The following DNM3 variants were observed in gnomAD, a reference collection of about 807,000 sequenced individuals.
The protein encoded by DNM3 is dynamin 3, also known as dynamin-3.
A neutral mutation model predicts 101.6 loss-of-function variants in DNM3; 47 were observed. The ratio of observed to expected loss-of-function variants is 0.46; its 90% confidence interval spans 0.37 to 0.59. The LOEUF is 0.59. Ranked by LOEUF, DNM3 falls within the 20% of genes least tolerant of loss-of-function variation. The pLI is 0.00. For missense variants in DNM3, 849 were observed against 1,085.7 expected, an observed-to-expected ratio of 0.78 and a Z score of 3.06; for synonymous variants, 385 against 387.9, an observed-to-expected ratio of 0.99 and a Z score of 0.09.
chr1:172,032,885 T>C (rs2048715315), intron 5 of DNM3, among the ~76,000 whole-genome samples: 1 of 152,066 alleles, frequency 6.6e-6, no homozygotes, highest in Admixed American at 6.6e-5. Flanking sequence ...AGTTTGAGGG[T>C]GAGAGGCATT....
chr1:172,260,388 C>T (rs1319229437), intron 15 of DNM3, among the ~76,000 whole-genome samples: 1 of 151,868 alleles, frequency 6.6e-6, no homozygotes, highest in Non-Finnish European at 1.5e-5. Context: ...AAGTTTTTAA[C>T]CTATTATTTT....
At chr1:172,160,017 C>T (rs1038934400) in intron 14 of DNM3, among the ~76,000 whole-genome samples, 1 of 148,744 alleles carries the variant, frequency 6.7e-6, no homozygotes, top group East Asian at 2.0e-4. Context: ...TGTATCTAAA[C>T]GTGCCTAACA....
At chr1:172,138,043 T>C (rs1428037908) in intron 14 of DNM3, 2 of 152,180 alleles carry the variant, frequency 1.3e-5, no homozygotes, top group Non-Finnish European at 2.9e-5. Flanking sequence ...GTTGGCCTTG[T>C]AAATTCTACT....
At chr1:171,998,636 C>T (rs1242257585) in intron 4 of DNM3, among the ~76,000 whole-genome samples, 1 of 151,978 alleles carries the variant, frequency 6.6e-6, no homozygotes, top group Non-Finnish European at 1.5e-5. Context: ...ATGGGGGAAA[C>T]AGCCAGATAA....
chr1:172,174,075 T>C (rs1471606669), intron 14 of DNM3, among the ~76,000 whole-genome samples: 1 of 151,702 alleles, frequency 6.6e-6, no homozygotes, highest in Non-Finnish European at 1.5e-5. Context: ...CATAATAGTA[T>C]GTTAATAAGA....
intron 2 of DNM3, among the ~76,000 whole-genome samples, chr1:171,952,278 T>C (rs1256296347): frequency 6.6e-6 from 1 of 152,244 alleles, no homozygotes; most frequent in Non-Finnish European, 1.5e-5. Flanking sequence ...AAAGATGGCT[T>C]TGCAGGACCA....
chr1:171,917,236 ATCTATATTGAAGAAACCATCTCTGTAG>A (rs1344491747), intron 1 of DNM3, among the ~76,000 whole-genome samples: 1 of 152,222 alleles, frequency 6.6e-6, no homozygotes, highest in Non-Finnish European at 1.5e-5. Flanking sequence ...AATCATTTAC[ATCTATATTGAAGAAACCATCTCTGTAG>A]TTACTTTATT....
chr1:172,004,429 A>G (rs770885966), intron 4 of DNM3, among the ~76,000 whole-genome samples: 1 of 152,058 alleles, frequency 6.6e-6, no homozygotes, highest in Non-Finnish European at 1.5e-5. Context: ...GACTGGATAC[A>G]TCGTCCTCAT....
At position 171,988,910 on chromosome 1, in the gene DNM3, G is replaced by A. The variant is rs1459796127; in HGVS notation, c.386-35G>A. On this transcript the variant is annotated intron_variant, in intron 3 of 20. Coordinates refer to ENST00000627582, the MANE Select transcript of DNM3 (RefSeq NM_015569.5). ...TGTATTGTTATCTTTTAGCATTGAA[G>A]GTGTATGTAAGACTCCTTTATCCTT... 2.0e-6 allele frequency: 3 copies of A among 1,510,288 alleles called. No homozygotes were observed. In the African/African-American group the frequency reaches 4.1e-5, roughly 21 times the overall value. The allele number at this position is 1,510,288 out of a possible 1,614,324, so 93.6% of individuals were successfully genotyped here.
At position 172,411,078 on chromosome 1, in the gene DNM3, CTGTG is replaced by C. The variant is rs1008077720; in HGVS notation, c.*3241_*3244del. 5 of 984,584 alleles carry C rather than the reference CTGTG, an allele frequency of 5.1e-6. No homozygotes were observed. The African/African-American group carries it at 8.7e-5, about 17-fold the overall frequency. 61.0% of individuals were successfully genotyped at this position (984,584 alleles called of 1,614,324 possible). A position where few individuals can be genotyped will look rare whatever the true frequency, so the allele number is the denominator to read the frequency against. On this transcript the variant is annotated 3_prime_UTR_variant, in exon 21 of 21. Coordinates refer to ENST00000627582, the MANE Select transcript of DNM3 (RefSeq NM_015569.5). Reference sequence around the variant, plus strand: ...AAGCATGAGTGTGATTGTATGTGCACTGTGTGTATATATATAAATATATGTATAT... The same window carrying C: ...AAGCATGAGTGTGATTGTATGTGCACTGTATATATATAAATATATGTATAT...
intron 14 of DNM3, among the ~76,000 whole-genome samples, chr1:172,207,681 T>C (rs1274366292): frequency 6.6e-6 from 1 of 152,116 alleles, no homozygotes; most frequent in Admixed American, 6.6e-5. Context: ...TTTATGTGTA[T>C]GCTTTATTAA....
At chr1:172,116,638 G>A (rs1039034938) in intron 13 of DNM3, among the ~76,000 whole-genome samples, 2 of 152,152 alleles carry the variant, frequency 1.3e-5, no homozygotes, top group African/African-American at 4.8e-5. Context: ...ACTGTTTTTG[G>A]AAGTACATCT....
intron 15 of DNM3, among the ~76,000 whole-genome samples, chr1:172,281,685 C>T (rs1049327327): frequency 2.0e-4 from 31 of 151,646 alleles, no homozygotes; most frequent in African/African-American, 5.3e-4. Context: ...TTCAGTGACT[C>T]GAGCTGGTTT....
downstream of DNM3, chr1:172,412,751 A>G: frequency 1.0e-6 from 1 of 985,162 alleles, no homozygotes; most frequent in Non-Finnish European, 1.2e-6. Flanking sequence ...TATTTGAGTC[A>G]TGTCTATGCC....
At chr1:172,189,594 T>C (rs192234350) in intron 14 of DNM3, among the ~76,000 whole-genome samples, 19 of 152,200 alleles carry the variant, frequency 1.2e-4, no homozygotes, top group Non-Finnish European at 2.2e-4. Flanking sequence ...ATCTAAGTAT[T>C]TATGTATTTA....
chr1:172,054,920 T>C (rs1443324767), intron 10 of DNM3, among the ~76,000 whole-genome samples: 1 of 151,958 alleles, frequency 6.6e-6, no homozygotes, highest in African/African-American at 2.4e-5. Context: ...GATTGCACTA[T>C]TGCACTCCAG....
Position 172,411,271 on chromosome 1 carries a change from C to T in DNM3, c.*3430C>T. ...ATATGAGGTATACAAAATTTTCTAA[C>T]TCCAGATTGTAGTCATTTTGAGAGG... On this transcript the variant is annotated 3_prime_UTR_variant, in exon 21 of 21. Coordinates refer to ENST00000627582, the MANE Select transcript of DNM3 (RefSeq NM_015569.5). 1.0e-6 allele frequency: 1 copy of T among 985,116 alleles called. No individual in the cohort carries two copies. The highest frequency in any genetic ancestry group is 1.2e-6 in the Non-Finnish European group (1 of 829,766). 61.0% of individuals were successfully genotyped at this position (985,116 alleles called of 1,614,324 possible).
chr1:172,210,295 TTAAGAG>T lies in DNM3; in HGVS notation c.1660-43271_1660-43266del, dbSNP rs1350035393. On this transcript the variant is annotated intron_variant, in intron 14 of 20. Transcript: ENST00000627582. The stretch of plus-strand genomic sequence containing the variant: ...TAAATGACATCAAATATATAGGTAA[TTAAGAG>T]TAAGAGAGCGTGCTTTTTTTTTTTT... Among the ~76,000 whole-genome samples, 16 of 147,034 alleles carry T rather than the reference TTAAGAG, an allele frequency of 1.1e-4. No homozygotes were observed. The East Asian group carries it at 3.1e-3, about 28-fold the overall frequency.
chr1:172,140,508 T>G (rs1355391719), intron 14 of DNM3: 1 of 151,982 alleles, frequency 6.6e-6, no homozygotes, highest in Non-Finnish European at 1.5e-5. Context: ...AATTAAAAAT[T>G]ACTATAATTC....
Sources: allele counts gnomAD v4.1 joint callset (sites outside exome capture counted in the v4.1 genomes callset), GRCh38; gene constraint gnomAD v4.1.1; transcripts MANE v1.5; gene names NCBI Gene and HGNC (gene_info 2026-07-23, HGNC 2026-07-21).